Variants in TASP1 observed in about 807,000 individuals in gnomAD.
TASP1 encodes taspase 1.
Under a neutral mutation model 56.6 loss-of-function variants are expected in TASP1, and 16 were observed. That is an observed-to-expected ratio of 0.28 (90% CI 0.19 to 0.43). The LOEUF (loss-of-function observed/expected upper bound fraction) is 0.43. Ranked by LOEUF, TASP1 falls within the 20% of genes least tolerant of loss-of-function variation. The pLI is 1.00. For synonymous variants in TASP1, 179 were observed against 184.2 expected, an observed-to-expected ratio of 0.97 and a Z score of 0.23; for missense variants, 393 against 511.6, an observed-to-expected ratio of 0.77 and a Z score of 2.24.
the TASP1 span, among the ~76,000 whole-genome samples, chr20:13,122,964 G>A: frequency 6.6e-6 from 1 of 152,168 alleles, no homozygotes; most frequent in Non-Finnish European, 1.5e-5. Context: ...GACACTCCAA[G>A]AAGCTTTTAT....
At chr20:13,549,718 C>T (rs1382371012) in intron 8 of TASP1, among the ~76,000 whole-genome samples, 1 of 152,060 alleles carries the variant, frequency 6.6e-6, no homozygotes, top group Non-Finnish European at 1.5e-5. Context: ...AGGAAAGCTA[C>T]AAGGTGGTGA....
the TASP1 span, among the ~76,000 whole-genome samples, chr20:13,119,983 G>C: frequency 6.6e-6 from 1 of 152,166 alleles, no homozygotes; most frequent in Non-Finnish European, 1.5e-5. Context: ...TTATGTATCC[G>C]TTCCTTTGTA....
intron 6 of TASP1, among the ~76,000 whole-genome samples, chr20:13,571,182 T>C (rs1568596618): frequency 6.6e-6 from 1 of 152,238 alleles, no homozygotes; most frequent in Non-Finnish European, 1.5e-5. Context: ...AAAATATTCA[T>C]AGGAAGGCAA....
intron 10 of TASP1, among the ~76,000 whole-genome samples, chr20:13,505,340 A>G (rs545132129): frequency 3.3e-5 from 5 of 152,318 alleles, no homozygotes; most frequent in African/African-American, 9.6e-5. Flanking sequence ...CACTTTCAAC[A>G]ATGGATAGAT....
At chr20:13,326,503 C>T in the TASP1 span, among the ~76,000 whole-genome samples, 1 of 151,060 alleles carries the variant, frequency 6.6e-6, no homozygotes, top group East Asian at 1.9e-4. Context: ...TACTCAGTTG[C>T]TACACATCCT....
At chr20:13,576,548 G>C (rs929139314) in intron 6 of TASP1, among the ~76,000 whole-genome samples, 1 of 151,752 alleles carries the variant, frequency 6.6e-6, no homozygotes, top group Non-Finnish European at 1.5e-5. Flanking sequence ...ATTTACCACA[G>C]CATCAAAAAA....
chr20:13,632,293 G>A (rs1234214763), intron 1 of TASP1, among the ~76,000 whole-genome samples: 1 of 145,618 alleles, frequency 6.9e-6, no homozygotes, highest in East Asian at 2.1e-4. Flanking sequence ...TGGGACCCGG[G>A]AGGCGAGGTT....
chr20:13,556,159 G>A (rs2046149610), intron 8 of TASP1, among the ~76,000 whole-genome samples: 1 of 152,118 alleles, frequency 6.6e-6, no homozygotes, highest in African/African-American at 2.4e-5. Flanking sequence ...ATATCCAACT[G>A]CTCAGCTAAA....
chr20:13,327,268 C>G, the TASP1 span, among the ~76,000 whole-genome samples: 1 of 152,028 alleles, frequency 6.6e-6, no homozygotes, highest in East Asian at 1.9e-4. Flanking sequence ...AGTGAAGAAC[C>G]TCTTCAAGGA....
the TASP1 span, among the ~76,000 whole-genome samples, chr20:13,223,354 A>G: frequency 6.6e-6 from 1 of 152,170 alleles, no homozygotes; most frequent in Admixed American, 6.5e-5. Context: ...TGTGTTTACT[A>G]CGTGCCACCG....
intron 10 of TASP1, among the ~76,000 whole-genome samples, chr20:13,491,135 C>A (rs1455327380): frequency 6.6e-6 from 1 of 152,088 alleles, no homozygotes; most frequent in African/African-American, 2.4e-5. Flanking sequence ...CAAGCTAAGC[C>A]TTTACATAGG....
chr20:13,153,624 G>T, the TASP1 span, among the ~76,000 whole-genome samples: 1 of 152,102 alleles, frequency 6.6e-6, no homozygotes, highest in Non-Finnish European at 1.5e-5. Flanking sequence ...ATGAAGTGTG[G>T]GGGGTGGGGG....
At chr20:13,274,647 G>A in the TASP1 span, among the ~76,000 whole-genome samples, 1 of 151,798 alleles carries the variant, frequency 6.6e-6, no homozygotes, top group Admixed American at 6.6e-5. Flanking sequence ...AAGAGTCCAC[G>A]TCCCGCCCCC....
intron 11 of TASP1, among the ~76,000 whole-genome samples, chr20:13,482,282 T>C (rs1034274794): frequency 2.0e-5 from 3 of 152,198 alleles, no homozygotes; most frequent in Admixed American, 6.6e-5. Flanking sequence ...ATGTGTCTGT[T>C]TTTATGCCAG....
the TASP1 span, among the ~76,000 whole-genome samples, chr20:13,193,026 A>G: frequency 6.6e-6 from 1 of 152,228 alleles, no homozygotes. Context: ...TGTTATTTAA[A>G]CACAGACTGA....
chr20:13,304,416 T>G, the TASP1 span, among the ~76,000 whole-genome samples: 3 of 152,206 alleles, frequency 2.0e-5, no homozygotes, highest in Non-Finnish European at 4.4e-5. Flanking sequence ...AGTGCTAAGC[T>G]GGACCCCATT....
chr20:13,185,621 T>C, the TASP1 span, among the ~76,000 whole-genome samples: 3 of 152,220 alleles, frequency 2.0e-5, no homozygotes, highest in African/African-American at 4.8e-5. Flanking sequence ...CTTGATTCCA[T>C]GTGACTCCAT....
At chr20:13,593,777 T>C (rs1050431663) in intron 4 of TASP1, among the ~76,000 whole-genome samples, 3 of 152,210 alleles carry the variant, frequency 2.0e-5, no homozygotes, top group Non-Finnish European at 2.9e-5. Flanking sequence ...GGGGAGGGCA[T>C]AGCTGAACAA....
the TASP1 span, among the ~76,000 whole-genome samples, chr20:13,295,521 C>G: frequency 2.9e-3 from 437 of 152,322 alleles, 2 homozygotes; most frequent in Non-Finnish European, 2.9e-3. Flanking sequence ...GGAGAGCCTT[C>G]CCTTGTCCTT....
Sources: gnomAD v4.1 joint callset for allele counts (sites outside exome capture counted in the v4.1 genomes callset) on GRCh38, gnomAD v4.1.1 for gene constraint, MANE v1.5 for transcripts, NCBI Gene and HGNC (gene_info 2026-07-23, HGNC 2026-07-21) for gene names.